The following ENDOV variants were observed in gnomAD, a reference collection of about 807,000 sequenced individuals.
The protein encoded by ENDOV is hEndoV.
ENDOV carries 37 observed loss-of-function variants against 39.4 expected under a neutral mutation model. The ratio of observed to expected loss-of-function variants is 0.94; its 90% CI spans 0.72 to 1.23. The LOEUF (loss-of-function observed/expected upper bound fraction) is 1.23. Among genes scored for constraint, ENDOV ranks in the 50% most tolerant of loss-of-function variants. The pLI, the probability that ENDOV is intolerant of heterozygous loss-of-function variation, is 0.00. For missense variants in ENDOV, 441 were observed against 375.7 expected, an observed-to-expected ratio of 1.17 and a Z score of -1.44; for synonymous variants, 186 against 163.4, an observed-to-expected ratio of 1.14 and a Z score of -1.05.
At chr17:80,430,253 G>A (rs557975914) in intron 9 of ENDOV, 15 of 1,474,978 alleles carry the variant, frequency 1.0e-5, no homozygotes, top group Middle Eastern at 3.5e-4. Flanking sequence ...CGGAGCCGAC[G>A]AAGGGGACTC....
chr17:80,425,589 G>T lies in ENDOV; in HGVS notation c.683G>T (p.Cys228Phe). The change falls in exon 7 of 10, where the codon TGC becomes TTC. Residue 228 changes from cysteine (C) to phenylalanine (F), a missense_variant. Cys to Phe is a radical substitution (Grantham distance 205, BLOSUM62 -2). Coordinates refer to ENST00000518137, the MANE Select transcript of ENDOV (RefSeq NM_173627.5). ...EAAVRLTCCC[C>F]RFRIPEPVRQ... ...GCTGTGCGCCTGACTTGCTGCTGCT[G>T]CAGGTTCCGGATCCCAGAGCCCGTG... The T allele has an allele frequency of 6.3e-7, 1 of 1,589,600 alleles. No individual in the cohort carries two copies. The highest frequency in any genetic ancestry group is 8.5e-7 in the Non-Finnish European group (1 of 1,173,074).
At chr17:80,433,306 G>A (rs2083436396) in intron 9 of ENDOV, 1 of 483,306 alleles carries the variant, frequency 2.1e-6, no homozygotes, top group South Asian at 1.5e-5. Context: ...TCAGCAGGGA[G>A]CCTTGGCACA....
chr17:80,423,742 C>T lies in ENDOV; in HGVS notation c.516+110C>T, dbSNP rs41299814. On this transcript the variant is annotated intron_variant, in intron 5 of 9. Coordinates refer to ENST00000518137, the MANE Select transcript of ENDOV (RefSeq NM_173627.5). ...AGCCCTTGCCTGCTGACGCTGCCCTCCTCATCCCTGGCTTGTGGCCTGGAG... is the reference window on the plus strand; with the variant it reads ...AGCCCTTGCCTGCTGACGCTGCCCTTCTCATCCCTGGCTTGTGGCCTGGAG... 1,816 of 1,011,616 alleles carry T rather than the reference C, an allele frequency of 1.8e-3. 27 individuals are homozygous for T. In the African/African-American group the frequency reaches 0.027, roughly 15 times the overall value. 62.7% of individuals were successfully genotyped at this position (1,011,616 alleles called of 1,614,324 possible). A position where few individuals can be genotyped will look rare whatever the true frequency, so the allele number is the denominator to read the frequency against.
chr17:80,423,767 G>A (rs1253030728), intron 5 of ENDOV, 135 bp downstream of exon 5: 11 of 825,430 alleles, frequency 1.3e-5, no homozygotes, highest in Non-Finnish European at 2.0e-5. Context: ...GTGGCCTGGA[G>A]TAAGAAAGAC....
At chr17:80,430,059 A>G (rs1160416934) in intron 9 of ENDOV, 16 of 1,535,792 alleles carry the variant, frequency 1.0e-5, no homozygotes, top group Non-Finnish European at 1.3e-5. Context: ...CCCAGTCCCC[A>G]AAGACAGGCT....
At chr17:80,416,451 G>A (rs1397795005) in intron 2 of ENDOV, among the ~76,000 whole-genome samples, 1 of 151,796 alleles carries the variant, frequency 6.6e-6, no homozygotes, top group East Asian at 1.9e-4. Flanking sequence ...CGTTCCTCTC[G>A]CGTCCAGTTG....
Position 80,436,498 on chromosome 17 carries a change from G to A in ENDOV, c.*355G>A. On this transcript the variant is annotated 3_prime_UTR_variant, in exon 10 of 10. Transcript: ENST00000518137. ...TTATCCTTAAAGGGTACTGGATTTT[G>A]TCAAATGCTTTTCTGGCCTCTATTG... is the stretch of plus-strand genomic sequence containing the variant. The A allele has an allele frequency of 1.6e-6, 1 of 607,430 alleles. No individual in the cohort carries two copies. Among genetic ancestry groups the A allele is most frequent in the Non-Finnish European group, 2.4e-6 (1 of 412,558 alleles). The allele number at this position is 607,430 out of a possible 1,614,324, so 37.6% of individuals were successfully genotyped here.
chr17:80,422,377 TCGGCGCAA>T (rs2082161284), intron 4 of ENDOV, 132 bp downstream of exon 4: 3 of 1,115,606 alleles, frequency 2.7e-6, no homozygotes, highest in African/African-American at 3.2e-5. Context: ...GGCTTCTTTC[TCGGCGCAA>T]CGGGGACGCG....
intron 9 of ENDOV, chr17:80,430,187 G>A: frequency 6.7e-7 from 1 of 1,482,808 alleles, no homozygotes; most frequent in Non-Finnish European, 8.9e-7. Context: ...GTGCCTCAGA[G>A]GACAGATCTC....
chr17:80,415,273 AG>A (rs778147811), intron 1 of ENDOV, 23 bp downstream of exon 1: 15 of 1,612,476 alleles, frequency 9.3e-6, no homozygotes, highest in Non-Finnish European at 1.2e-5. Context: ...GGCGACGCGC[AG>A]GAGGCGGGGG....
intron 2 of ENDOV, chr17:80,420,030 C>T: frequency 3.8e-6 from 1 of 263,514 alleles, no homozygotes; most frequent in African/African-American, 2.2e-5. Context: ...ACGTTGGACA[C>T]CTGTATTCCT....
intron 9 of ENDOV, chr17:80,430,421 G>A (rs191341971): frequency 8.1e-5 from 117 of 1,438,542 alleles, no homozygotes; most frequent in Non-Finnish European, 1.0e-4. Flanking sequence ...TTACCCTGAG[G>A]TTTACTTGCA....
intron 4 of ENDOV, among the ~76,000 whole-genome samples, chr17:80,422,948 C>A (rs931219983): frequency 2.0e-5 from 3 of 152,158 alleles, no homozygotes; most frequent in Non-Finnish European, 4.4e-5. Flanking sequence ...ATCCGCCTGC[C>A]TCGGCCTCCC....
At chr17:80,423,474 G>GCCCCCCCCC in intron 4 of ENDOV, 46 bp from the exon 5 acceptor site, 3 of 1,449,940 alleles carry the variant, frequency 2.1e-6, no homozygotes, top group Non-Finnish European at 2.8e-6. Flanking sequence ...CCTGTGCCAG[G>GCCCCCCCCC]CCCCAGCCCC....
intron 9 of ENDOV, 28 bp from the exon 10 acceptor site, chr17:80,436,105 G>A: frequency 6.2e-7 from 1 of 1,608,352 alleles, no homozygotes; most frequent in East Asian, 2.2e-5. Context: ...TCTTTTTCTT[G>A]CCTCATTGCT....
At chr17:80,420,694 A>G (rs183936429) in intron 2 of ENDOV, among the ~76,000 whole-genome samples, 1 of 152,250 alleles carries the variant, frequency 6.6e-6, no homozygotes, top group Non-Finnish European at 1.5e-5. Flanking sequence ...CATTAAGGGC[A>G]GTGTGACTAA....
chr17:80,416,015 A>G lies in ENDOV; in HGVS notation c.228+194A>G, dbSNP rs2081092617. The G allele has an allele frequency of 8.3e-6, 5 of 599,392 alleles. No individual in the cohort carries two copies. In the East Asian group the frequency reaches 1.5e-4, roughly 18 times the overall value. The allele number at this position is 599,392 out of a possible 1,614,324, so 37.1% of individuals were successfully genotyped here. A position where few individuals can be genotyped will look rare whatever the true frequency, so the allele number is the denominator to read the frequency against. On this transcript the variant is annotated intron_variant, in intron 2 of 9. Coordinates refer to ENST00000518137, the MANE Select transcript of ENDOV (RefSeq NM_173627.5). ...CACTTTGGGAGGCTGAGGCGGGGGAATCACCTGAGGTCGGGAGTTCGAGAC... is the reference window on the plus strand; with the variant it reads ...CACTTTGGGAGGCTGAGGCGGGGGAGTCACCTGAGGTCGGGAGTTCGAGAC...
intron 7 of ENDOV, chr17:80,427,709 A>G: frequency 7.8e-7 from 1 of 1,288,274 alleles, no homozygotes; most frequent in African/African-American, 1.5e-5. Flanking sequence ...GGGAGAGCAC[A>G]GACGGGGTTA....
Position 80,436,571 on chromosome 17 carries a change from T to C in ENDOV, c.*428T>C. 1 of 294,956 alleles carries C rather than the reference T, an allele frequency of 3.4e-6. No homozygotes were observed. Among genetic ancestry groups the C allele is most frequent in the Non-Finnish European group, 6.3e-6 (1 of 157,518 alleles). The allele number at this position is 294,956 out of a possible 1,614,324, so 18.3% of individuals were successfully genotyped here. A position where few individuals can be genotyped will look rare whatever the true frequency, so the allele number is the denominator to read the frequency against. On this transcript the variant is annotated 3_prime_UTR_variant, in exon 10 of 10. Coordinates refer to ENST00000518137, the MANE Select transcript of ENDOV (RefSeq NM_173627.5). Reference sequence around the variant, plus strand: ...GAATATGAGGTGTTACATTGATTGATTTTCATATGTTGAGCCAGTTTCCAT... The same window carrying C: ...GAATATGAGGTGTTACATTGATTGACTTTCATATGTTGAGCCAGTTTCCAT...
Sources: gnomAD v4.1 joint callset for allele counts (sites outside exome capture counted in the v4.1 genomes callset) on GRCh38, gnomAD v4.1.1 for gene constraint, MANE v1.5 for transcripts, NCBI Gene and HGNC (gene_info 2026-07-23, HGNC 2026-07-21) for gene names.